Variants in AVL9 observed in about 807,000 individuals in gnomAD.
AVL9 encodes the protein AVL9 cell migration associated.
In AVL9, 49 loss-of-function variants were observed where a neutral mutation model predicts 79.2. That is an observed-to-expected ratio of 0.62 (90% CI 0.49 to 0.79). AVL9 has a LOEUF of 0.79. Ranked by LOEUF, AVL9 falls within the 30% of genes least tolerant of loss-of-function variation. The pLI is 0.00. For missense variants in AVL9, 682 were observed against 776.8 expected (o/e 0.88, Z 1.45); for synonymous variants, 299 against 280.6 (o/e 1.07, Z -0.65).
In AVL9 at chr7:32,573,205, GA is replaced by G. The variant is rs1434357467; in HGVS notation, c.1359del (p.Ala454LeufsTer2). 1 of 1,613,736 alleles carries G rather than the reference GA, an allele frequency of 6.2e-7. No individual in the cohort carries two copies. Among genetic ancestry groups the G allele is most frequent in the Non-Finnish European group, 8.5e-7 (1 of 1,179,920 alleles). ...GTACCTGGATACCCTCTAGGTAGAA[GA>G]AGCTCTGATCCAGATCCATGATCCA... Reference protein sequence around the residue: ...HLSDAIVEVEEALIQIHDPEL... With the variant: ...HLSDAIVEVEXALIQIHDPEL... On this transcript the variant is annotated frameshift_variant, in exon 12 of 16. Transcript: ENST00000318709. LOFTEE classifies it high-confidence loss of function.
intron 8 of AVL9, 67 bp from the exon 9 acceptor site, chr7:32,558,492 T>G: frequency 8.0e-7 from 1 of 1,255,084 alleles, no homozygotes; most frequent in Non-Finnish European, 1.1e-6. Flanking sequence ...TTCCCTCTTT[T>G]TTATTTGTTA....
intron 10 of AVL9, among the ~76,000 whole-genome samples, chr7:32,561,487 C>T (rs537222425): frequency 1.5e-3 from 222 of 152,258 alleles, no homozygotes; most frequent in African/African-American, 4.9e-3. Flanking sequence ...TTCATATAAT[C>T]GAAGAGAGTT....
At chr7:32,581,148 AG>A (rs1360465555) in intron 15 of AVL9, 7 of 443,470 alleles carry the variant, frequency 1.6e-5, no homozygotes, top group African/African-American at 1.4e-4. Flanking sequence ...GCTGCACCAG[AG>A]TTTTCTTCCC....
rs1485077693 is a variant in AVL9, at chr7:32,587,779, AT to A, written c.*3874del. ...ATAATGTGCCGTGAGGAGTTTTCTC[AT>A]TCCAGTTCTTTGGACTTCGTAACAT... On this transcript the variant is annotated 3_prime_UTR_variant, in exon 16 of 16. Coordinates refer to ENST00000318709, the MANE Select transcript of AVL9 (RefSeq NM_015060.3). The A allele has an allele frequency of 6.6e-6, 1 of 152,230 alleles. No homozygotes were observed. The highest frequency in any genetic ancestry group is 1.5e-5 in the Non-Finnish European group (1 of 68,038). The allele number at this position is 152,230 out of a possible 1,614,324, so 9.4% of individuals were successfully genotyped here.
At chr7:32,532,044 T>A (rs972048987) in intron 1 of AVL9, 1 of 152,154 alleles carries the variant, frequency 6.6e-6, no homozygotes, top group African/African-American at 2.4e-5. Context: ...ATGAGGTCGC[T>A]TGAACGAATT....
chr7:32,560,477 A>G (rs1356306102), intron 10 of AVL9, among the ~76,000 whole-genome samples: 1 of 152,152 alleles, frequency 6.6e-6, no homozygotes, highest in Non-Finnish European at 1.5e-5. Context: ...GCAGCTCCTC[A>G]TCCGTTCAAG....
chr7:32,542,101 G>A (rs1207403319), intron 1 of AVL9, among the ~76,000 whole-genome samples: 3 of 151,538 alleles, frequency 2.0e-5, no homozygotes, highest in Non-Finnish European at 4.4e-5. Flanking sequence ...AACGGAAAAC[G>A]TTGATTGCTT....
intron 1 of AVL9, among the ~76,000 whole-genome samples, chr7:32,541,623 A>G (rs915812388): frequency 6.6e-6 from 1 of 152,186 alleles, no homozygotes; most frequent in African/African-American, 2.4e-5. Context: ...AAATTGTCCA[A>G]CAAAGCAAAC....
intron 1 of AVL9, among the ~76,000 whole-genome samples, chr7:32,505,948 A>G (rs2128114430): frequency 6.6e-6 from 1 of 152,306 alleles, no homozygotes; most frequent in South Asian, 2.1e-4. Flanking sequence ...CTTTGTAAGC[A>G]ACAGCAAAGA....
At chr7:32,570,393 TTTG>T (rs1790776357) in intron 11 of AVL9, among the ~76,000 whole-genome samples, 1 of 152,150 alleles carries the variant, frequency 6.6e-6, no homozygotes, top group Admixed American at 6.5e-5. Flanking sequence ...GATGAAGTGA[TTTG>T]TACAATATCA....
At chr7:32,545,364 CTTTTTTTTTTT>C (rs10610945) in intron 3 of AVL9, among the ~76,000 whole-genome samples, 2,007 of 73,488 alleles carry the variant, frequency 0.027, 80 homozygotes, top group African/African-American at 0.1. Flanking sequence ...TCTAAGATTT[CTTTTTTTTTTT>C]TTTTTTTTTT....
At chr7:32,558,694 A>G (rs1377614538) in intron 9 of AVL9, 66 bp downstream of exon 9, 5 of 1,348,616 alleles carry the variant, frequency 3.7e-6, no homozygotes, top group Admixed American at 4.5e-5. Context: ...ACTTTTAGAA[A>G]TAAAGTTTCA....
chr7:32,565,794 G>T (rs1317103684), intron 10 of AVL9, among the ~76,000 whole-genome samples: 1 of 151,996 alleles, frequency 6.6e-6, no homozygotes, highest in African/African-American at 2.4e-5. Flanking sequence ...CATCATCTGA[G>T]GTCAAGAGAT....
chr7:32,533,771 G>A (rs921783607), intron 1 of AVL9: 5 of 152,188 alleles, frequency 3.3e-5, no homozygotes, highest in Non-Finnish European at 4.4e-5. Context: ...CAGTTGTGAA[G>A]CACTCTCCTT....
At chr7:32,583,480 T>C (rs930917369) in intron 15 of AVL9, among the ~76,000 whole-genome samples, 4 of 152,138 alleles carry the variant, frequency 2.6e-5, no homozygotes, top group Admixed American at 2.0e-4. Flanking sequence ...GGAGGATCAG[T>C]TGAGCCAAGT....
chr7:32,568,946 T>G (rs1397184589), intron 10 of AVL9, among the ~76,000 whole-genome samples: 3 of 152,186 alleles, frequency 2.0e-5, no homozygotes, highest in African/African-American at 4.8e-5. Flanking sequence ...AGAGTAAGAA[T>G]ATAACCAAAT....
At position 32,543,375 on chromosome 7, in the gene AVL9, TA is replaced by T. The variant is rs1178223664; in HGVS notation, c.214+118del. On this transcript the variant is annotated intron_variant, in intron 2 of 15. Transcript: ENST00000318709. ...GCCTTCAGCCTGTTAGAACTATTTA[TA>T]AAATATTTACATGCTTGTTTGGAGA... 1.7e-5 allele frequency: 22 copies of T among 1,277,630 alleles called. 1 individual carries two copies. Among genetic ancestry groups the T allele is most frequent in the Non-Finnish European group, 2.4e-5 (22 of 928,572 alleles). The allele number at this position is 1,277,630 out of a possible 1,614,324, so 79.1% of individuals were successfully genotyped here. A position where few individuals can be genotyped will look rare whatever the true frequency, so the allele number is the denominator to read the frequency against.
At chr7:32,575,039 T>A (rs1370619813) in intron 12 of AVL9, among the ~76,000 whole-genome samples, 4 of 152,220 alleles carry the variant, frequency 2.6e-5, no homozygotes. Flanking sequence ...TCCCATGGTA[T>A]TGATAAAGCT....
rs1397154363 is a variant in AVL9, at chr7:32,552,995, C to T, written c.529+700C>T. On this transcript the variant is annotated intron_variant, in intron 6 of 15. Coordinates refer to ENST00000318709, the MANE Select transcript of AVL9 (RefSeq NM_015060.3). ...ACTGGTAGCCAAAATATTCAATGGGCAACTCAATAAATATCCATTTTGTGA... is the reference window on the plus strand; with the variant it reads ...ACTGGTAGCCAAAATATTCAATGGGTAACTCAATAAATATCCATTTTGTGA... Among the ~76,000 whole-genome samples, 15 of 152,192 alleles carry T rather than the reference C, an allele frequency of 9.9e-5. 1 individual carries two copies. The highest frequency in any genetic ancestry group is 9.2e-4 in the Admixed American group (14 of 15,284).
Sources: gnomAD v4.1 joint callset for allele counts (sites outside exome capture counted in the v4.1 genomes callset) on GRCh38, gnomAD v4.1.1 for gene constraint, MANE v1.5 for transcripts, NCBI Gene and HGNC (gene_info 2026-07-23, HGNC 2026-07-21) for gene names.